Variants in PLEKHG4 observed in about 807,000 individuals in gnomAD.
PLEKHG4 encodes the protein pleckstrin homology and RhoGEF domain containing G4, also known as puratrophin-1.
In PLEKHG4, 85 loss-of-function variants were observed where a neutral mutation model predicts 136.9. That is an observed-to-expected ratio of 0.62 (90% confidence interval 0.52 to 0.74). The LOEUF is 0.74. PLEKHG4 is among the 30% of genes least tolerant of loss of function. The pLI is 0.00. For missense variants in PLEKHG4, 1,317 were observed against 1,527.8 expected (o/e 0.86, Z 2.30); for synonymous variants, 577 against 646.9 (o/e 0.89, Z 1.64).
At chr16:67,288,035 T>C (rs1447248988) in intron 19 of PLEKHG4, 21 bp downstream of exon 19, 2 of 1,569,668 alleles carry the variant, frequency 1.3e-6, no homozygotes, top group Non-Finnish European at 1.8e-6. Context: ...GGCTACAGGG[T>C]GTGGGGGTGG....
chr16:67,281,504 G>A, intron 5 of PLEKHG4, 63 bp from the exon 6 acceptor site: 4 of 1,411,440 alleles, frequency 2.8e-6, no homozygotes, highest in East Asian at 4.6e-5. Flanking sequence ...GCAATTACAG[G>A]CGTGAGCCAC....
At chr16:67,278,661 G>A (rs571024216), upstream of PLEKHG4, 1 of 152,396 alleles carries the variant, frequency 6.6e-6, no homozygotes, top group East Asian at 1.9e-4. Context: ...AGTGCTGGCA[G>A]CGGGTGAACG....
chr16:67,287,438 C>T (rs912772513), intron 18 of PLEKHG4: 6 of 564,176 alleles, frequency 1.1e-5, no homozygotes, highest in Admixed American at 6.0e-5. Context: ...CTCGCTCTGT[C>T]GCCCAGGATG....
chr16:67,287,157 G>A lies in PLEKHG4; in HGVS notation c.3083G>A (p.Arg1028Lys), dbSNP rs770217023. 9.9e-6 allele frequency: 16 copies of A among 1,609,140 alleles called. No individual in the cohort carries two copies. Among genetic ancestry groups the A allele is most frequent in the Admixed American group, 1.7e-5 (1 of 60,012 alleles). ...WTADISHLLWRQAVHNKEVRM... is the reference protein window; with the variant it reads ...WTADISHLLWKQAVHNKEVRM... ...GCTGACATCTCCCACCTGCTTTGGA[G>A]GCAGGCCGTCCACAACAAGGGTGGG... is the stretch of plus-strand genomic sequence containing the variant. Residue 1028 changes from arginine to lysine, a missense_variant, in exon 18 of 22, where the codon AGG becomes AAG. Physicochemically the swap from Arg to Lys is conservative, Grantham distance 26. Transcript: ENST00000379344.
chr16:67,286,393 G>A, intron 15 of PLEKHG4, 30 bp downstream of exon 15: 1 of 1,610,242 alleles, frequency 6.2e-7, no homozygotes, highest in Non-Finnish European at 8.5e-7. Flanking sequence ...GGAGGAGTAG[G>A]GGATGCGGGG....
Position 67,286,611 on chromosome 16 carries a change from TC to T in PLEKHG4, c.2701del (p.Gln901SerfsTer170), listed in dbSNP as rs773763244. 14 of 1,561,940 alleles carry T rather than the reference TC, an allele frequency of 9.0e-6. No individual in the cohort carries two copies. Among genetic ancestry groups the T allele is most frequent in the Non-Finnish European group, 9.5e-6 (11 of 1,152,500 alleles). On this transcript the variant is annotated frameshift_variant, in exon 16 of 22. Coordinates refer to ENST00000379344, the MANE Select transcript of PLEKHG4 (RefSeq NM_001129729.3). LOFTEE classifies it high-confidence loss of function. ...ALREAQSLVHFQLRHGNDLLA... is the reference protein window; with the variant it reads ...ALREAQSLVHXQLRHGNDLLA... ...CGGGAGGCCCAGAGCCTTGTGCACT[TC>T]CAGCTGCGGCACGGAAACGACCTGC...
chr16:67,285,118 G>T lies in PLEKHG4; in HGVS notation c.2098G>T (p.Ala700Ser), dbSNP rs745612629. 2.5e-6 allele frequency: 4 copies of T among 1,613,392 alleles called. No individual in the cohort carries two copies. In the Admixed American group the frequency reaches 6.7e-5, roughly 27 times the overall value. The change falls in exon 13 of 22, where the codon GCT (alanine) becomes TCT (serine). Residue 700 changes from alanine (A) to serine (S), a missense_variant. By Grantham distance (99) the Ala-to-Ser change is moderately conservative. Coordinates refer to ENST00000379344, the MANE Select transcript of PLEKHG4 (RefSeq NM_001129729.3). ...CCACTGCCACCATGCGGCCACTATT[G>T]CTGCCTGCCGCAGACCAGAGGCTGG... ...ACHCHHAATI[A>S]ACRRPEAGGG...
chr16:67,281,903 C>T, intron 7 of PLEKHG4, 66 bp downstream of exon 7: 2 of 1,546,686 alleles, frequency 1.3e-6, no homozygotes, highest in South Asian at 1.1e-5. Context: ...AGGAGCCTCT[C>T]TGGGGCTGGC....
rs148305556 is a variant in PLEKHG4, at chr16:67,289,052, A to G, written c.*244A>G. On this transcript the variant is annotated 3_prime_UTR_variant, in exon 22 of 22. Transcript: ENST00000379344. ...CCCCATGACCCCTTCTCCTGTCCCC[A>G]GCTCCCATCCCAGTTGTGGGTTAAG... 3.7e-3 allele frequency: 2,272 copies of G among 618,824 alleles called. 9 individuals are homozygous for G. The highest frequency in any genetic ancestry group is 5.7e-3 in the Non-Finnish European group (1,963 of 341,844). The allele number at this position is 618,824 out of a possible 1,614,324, so 38.3% of individuals were successfully genotyped here.
Position 67,286,831 on chromosome 16 carries a change from T to C in PLEKHG4, c.2837T>C (p.Ile946Thr). The C allele has an allele frequency of 2.5e-6, 4 of 1,614,070 alleles. No homozygotes were observed. The highest frequency in any genetic ancestry group is 3.4e-6 in the Non-Finnish European group (4 of 1,179,912). The change falls in exon 17 of 22, where the codon ATC becomes ACC. Residue 946 changes from isoleucine (I) to threonine (T), a missense_variant. By Grantham distance (89) the Ile-to-Thr change is moderately conservative. Coordinates refer to ENST00000379344, the MANE Select transcript of PLEKHG4 (RefSeq NM_001129729.3). ...GGGCGCCACAAGTCCGTGCGCCGCA[T>C]CTTCCTTTTTGAGGAGCTGCTGCTC... is the stretch of plus-strand genomic sequence containing the variant. ...RTGRHKSVRR[I>T]FLFEELLLFS...
In PLEKHG4 at chr16:67,284,359, C is replaced by T; in HGVS notation, c.1594C>T (p.Leu532=). ...ACTGGACCCCCCTGGGGCACGCTTT[C>T]TGGCCCTGCGAGCCCAGCTGACTGA... ...AELDPPGARF[L]ALRAQLTEFS... The change falls in exon 12 of 22, where the codon CTG becomes TTG. Residue 532 remains leucine, a synonymous_variant. Transcript: ENST00000379344. This position sits in a 1 kb window ranked among gnomAD's most constrained non-coding sequence, Gnocchi z 4.4. 4 of 1,614,064 alleles carry T rather than the reference C, an allele frequency of 2.5e-6. No individual in the cohort carries two copies. The highest frequency in any genetic ancestry group is 3.4e-6 in the Non-Finnish European group (4 of 1,179,998).
chr16:67,280,514 T>C lies in PLEKHG4; in HGVS notation c.470T>C (p.Leu157Ser). The stretch of plus-strand genomic sequence containing the variant: ...GACCCTGTGGGCCTTGGAGACCCTT[T>C]ATCAGAAATATCAAAGCTGCTGGAG... ...DSDPVGLGDPLSEISKLLEAA... is the reference protein window; with the variant it reads ...DSDPVGLGDPSSEISKLLEAA... The change falls in exon 2 of 22, where the codon TTA becomes TCA. Residue 157 changes from leucine (L) to serine (S), a missense_variant. Leu to Ser is a moderately radical substitution (Grantham distance 145). Transcript: ENST00000379344. This position sits in a 1 kb window ranked among gnomAD's most constrained non-coding sequence, Gnocchi z 4.4. 6.2e-7 allele frequency: 1 copy of C among 1,611,866 alleles called. No individual in the cohort carries two copies. The highest frequency in any genetic ancestry group is 8.5e-7 in the Non-Finnish European group (1 of 1,179,262).
rs781609168 is a variant in PLEKHG4 at position 67,285,005 on chromosome 16, A to T, written c.1985A>T (p.Gln662Leu). Reference protein sequence around the residue: ...VGSTASLCVSQVPAAPAHPPL... With the variant: ...VGSTASLCVSLVPAAPAHPPL... ...AGCACAGCTAGCCTGTGTGTCAGCC[A>T]GGTCCCCGCTGCACCTGCCCACCCT... is the stretch of plus-strand genomic sequence containing the variant. Residue 662 changes from glutamine (Q) to leucine (L), a missense_variant, in exon 13 of 22, where the codon CAG becomes CTG. Gln to Leu is a moderately radical substitution (Grantham distance 113). Coordinates refer to ENST00000379344, the MANE Select transcript of PLEKHG4 (RefSeq NM_001129729.3). 6.2e-7 allele frequency: 1 copy of T among 1,613,562 alleles called. No homozygotes were observed. Among genetic ancestry groups the T allele is most frequent in the East Asian group, 2.2e-5 (1 of 44,880 alleles).
In PLEKHG4 at chr16:67,286,932, AC is replaced by A; in HGVS notation, c.2925+17del. 1.2e-6 allele frequency: 2 copies of A among 1,612,770 alleles called. No individual in the cohort carries two copies. The highest frequency in any genetic ancestry group is 8.5e-7 in the Non-Finnish European group (1 of 1,179,646). ...GCGCTCCTTCAAGGTAGGCCTGCCC[AC>A]CCCAGGCCCCACCACTTGTTTTCCC... On this transcript the variant is annotated intron_variant, in intron 17 of 21. Coordinates refer to ENST00000379344, the MANE Select transcript of PLEKHG4 (RefSeq NM_001129729.3).
At chr16:67,288,041 G>A (rs755378338) in intron 19 of PLEKHG4, 27 bp downstream of exon 19, 7 of 1,556,390 alleles carry the variant, frequency 4.5e-6, no homozygotes, top group Middle Eastern at 1.7e-4. Context: ...AGGGTGTGGG[G>A]GTGGGAGTAG....
chr16:67,280,656 T>A lies in PLEKHG4; in HGVS notation c.500-55T>A. Reference sequence around the variant, plus strand: ...ACTCAGGCTGAAGCCCGGGTCCAAGTAGGGGTCTCTGGATAGGTGGTCCAA... The same window carrying A: ...ACTCAGGCTGAAGCCCGGGTCCAAGAAGGGGTCTCTGGATAGGTGGTCCAA... On this transcript the variant is annotated intron_variant, in intron 2 of 21. Transcript: ENST00000379344. This position sits in a 1 kb window ranked among gnomAD's most constrained non-coding sequence, Gnocchi z 4.4. The A allele has an allele frequency of 3.1e-6, 5 of 1,612,458 alleles. No homozygotes were observed. Among genetic ancestry groups the A allele is most frequent in the Middle Eastern group, 1.6e-4 (1 of 6,062 alleles).
At chr16:67,285,640 G>A (rs1225310899) in intron 14 of PLEKHG4, 104 bp downstream of exon 14, 13 of 1,369,452 alleles carry the variant, frequency 9.5e-6, no homozygotes, top group Non-Finnish European at 1.2e-5. Flanking sequence ...GTATAGCTAT[G>A]AGCAAGACTG....
rs2036497630 is a variant in PLEKHG4, at chr16:67,286,875, G to A, written c.2881G>A (p.Gly961Arg). ...ELLLFSKPRH[G>R]PTGVDTFAYK... ...GCTGCTCTTCAGCAAGCCTCGCCAT[G>A]GGCCCACAGGGGTTGACACATTTGC... Residue 961 changes from glycine to arginine, a missense_variant, in exon 17 of 22, where the codon GGG becomes AGG. Coordinates refer to ENST00000379344, the MANE Select transcript of PLEKHG4 (RefSeq NM_001129729.3). The A allele has an allele frequency of 6.2e-7, 1 of 1,614,066 alleles. No individual in the cohort carries two copies. The highest frequency in any genetic ancestry group is 8.5e-7 in the Non-Finnish European group (1 of 1,180,006).
At chr16:67,287,644 C>CGG in intron 18 of PLEKHG4, 1 of 562,774 alleles carries the variant, frequency 1.8e-6, no homozygotes, top group South Asian at 2.0e-5. Context: ...CCTCCTACCT[C>CGG]GGCCTCCCAA....
Sources: allele counts gnomAD v4.1 joint callset, GRCh38; gene constraint gnomAD v4.1.1; non-coding constraint Gnocchi (gnomAD v3.1); transcripts MANE v1.5; gene names NCBI Gene and HGNC (gene_info 2026-07-23, HGNC 2026-07-21).